MAGI3: variants seen among roughly 807,000 people sequenced by gnomAD.
MAGI3 encodes membrane-associated guanylate kinase, WW and PDZ domain-containing protein 3.
A neutral mutation model predicts 121.8 loss-of-function variants in MAGI3; 43 were observed. That is an observed-to-expected ratio of 0.35 (90% CI 0.28 to 0.46). The LOEUF (loss-of-function observed/expected upper bound fraction) is 0.46. Ranked by LOEUF, MAGI3 falls within the 20% of genes least tolerant of loss-of-function variation. The probability of loss-of-function intolerance (pLI) is 1.00; values close to 1 mark genes in which losing one functional copy is unlikely to be tolerated. For synonymous variants in MAGI3, 553 were observed against 639.3 expected, an observed-to-expected ratio of 0.86 and a Z score of 2.04; for missense variants, 1,547 against 1,797.3, an observed-to-expected ratio of 0.86 and a Z score of 2.52.
intron 1 of MAGI3, among the ~76,000 whole-genome samples, chr1:113,542,804 G>A (rs1659350844): frequency 6.6e-6 from 1 of 152,144 alleles, no homozygotes. Flanking sequence ...GAGGGAGAGA[G>A]AGAAAGAAAC....
chr1:113,681,424 T>C (rs1313000691), intron 20 of MAGI3, 88 bp downstream of exon 20: 12 of 1,391,740 alleles, frequency 8.6e-6, no homozygotes, highest in Non-Finnish European at 1.2e-5. Flanking sequence ...AGAGGATAGA[T>C]ATTTTACTAG....
intron 10 of MAGI3, among the ~76,000 whole-genome samples, 200 bp from the exon 11 acceptor site, chr1:113,643,543 T>C (rs1286486607): frequency 6.6e-6 from 1 of 152,232 alleles, no homozygotes; most frequent in Admixed American, 6.5e-5. Context: ...CTCTGTAAGA[T>C]GGTCATAACA....
At chr1:113,595,064 T>C (rs559118130) in intron 6 of MAGI3, among the ~76,000 whole-genome samples, 1 of 152,336 alleles carries the variant, frequency 6.6e-6, no homozygotes, top group South Asian at 2.1e-4. Context: ...TTTTTACTGC[T>C]TAAAGGAAAA....
chr1:113,545,034 C>CT (rs71090708), intron 1 of MAGI3, among the ~76,000 whole-genome samples: 34,169 of 143,244 alleles, frequency 0.24, 4,778 homozygotes, highest in South Asian at 0.4. Context: ...GTTATTGTCA[C>CT]TTTTTTTTTT....
chr1:113,677,156 T>G (rs960839583), intron 19 of MAGI3, among the ~76,000 whole-genome samples: 6 of 152,178 alleles, frequency 3.9e-5, no homozygotes, highest in African/African-American at 7.2e-5. Flanking sequence ...AAAAAAGTGT[T>G]CTGGGATAAG....
chr1:113,537,248 CTT>C (rs1557810407), intron 1 of MAGI3, among the ~76,000 whole-genome samples: 1 of 152,118 alleles, frequency 6.6e-6, no homozygotes, highest in South Asian at 2.1e-4. Context: ...GAATTTTTGT[CTT>C]TTGCTCCTAG....
intron 1 of MAGI3, among the ~76,000 whole-genome samples, chr1:113,439,718 T>G (rs943239069): frequency 1.3e-5 from 2 of 152,220 alleles, no homozygotes; most frequent in African/African-American, 2.4e-5. Context: ...TGTGCTTAAT[T>G]GTGTTGTTTT....
chr1:113,507,893 C>T (rs1262195432), intron 1 of MAGI3, among the ~76,000 whole-genome samples: 1 of 152,186 alleles, frequency 6.6e-6, no homozygotes, highest in Non-Finnish European at 1.5e-5. Flanking sequence ...GAGGTTCTAT[C>T]TTCCAGTATT....
chr1:113,467,071 AT>A (rs1655323029), intron 1 of MAGI3, among the ~76,000 whole-genome samples: 1 of 151,968 alleles, frequency 6.6e-6, no homozygotes, highest in African/African-American at 2.4e-5. Flanking sequence ...TTGGATATAG[AT>A]GTTTATTGCT....
chr1:113,636,385 A>C (rs932600878), intron 9 of MAGI3, among the ~76,000 whole-genome samples: 2 of 152,144 alleles, frequency 1.3e-5, no homozygotes, highest in Admixed American at 1.3e-4. Flanking sequence ...ATTTCCCTCT[A>C]CACACTGCTT....
chr1:113,580,496 G>A (rs915621911), intron 2 of MAGI3, 46 bp from the exon 3 acceptor site: 3 of 1,552,734 alleles, frequency 1.9e-6, no homozygotes, highest in Non-Finnish European at 2.6e-6. Context: ...TATTTTGTAA[G>A]TTTAAAAGTA....
intron 1 of MAGI3, among the ~76,000 whole-genome samples, chr1:113,402,142 T>G (rs1651441265): frequency 6.6e-6 from 1 of 152,172 alleles, no homozygotes; most frequent in Admixed American, 6.5e-5. Context: ...TAAGAATTTG[T>G]GTAGAAAATT....
In MAGI3 at chr1:113,452,386, C is replaced by G. The variant is rs147711160; in HGVS notation, c.316+61037C>G. On this transcript the variant is annotated intron_variant, in intron 1 of 20. Transcript: ENST00000307546. ...CTATGGGACTTCACTGTAACTACTCCATTAGGACATCAGATTTAGCCAAGT... is the reference window on the plus strand; with the variant it reads ...CTATGGGACTTCACTGTAACTACTCGATTAGGACATCAGATTTAGCCAAGT... Among the ~76,000 whole-genome samples the G allele has an allele frequency of 2.3e-3, 344 of 151,862 alleles. 2 individuals carry two copies. The highest frequency in any genetic ancestry group is 8.0e-3 in the African/African-American group (330 of 41,410).
At chr1:113,583,610 C>T (rs1648179133) in intron 3 of MAGI3, among the ~76,000 whole-genome samples, 1 of 152,002 alleles carries the variant, frequency 6.6e-6, no homozygotes. Flanking sequence ...GATTAATGGG[C>T]ATAATTCAGG....
At chr1:113,667,756 C>T (rs1376509159) in intron 16 of MAGI3, among the ~76,000 whole-genome samples, 1 of 152,126 alleles carries the variant, frequency 6.6e-6, no homozygotes, top group East Asian at 1.9e-4. Flanking sequence ...TAGCTTTTGA[C>T]GTAAAGTGAG....
intron 1 of MAGI3, among the ~76,000 whole-genome samples, chr1:113,448,676 A>T (rs1230103630): frequency 6.6e-6 from 1 of 151,602 alleles, no homozygotes; most frequent in Non-Finnish European, 1.5e-5. Flanking sequence ...TTTTTTTTTA[A>T]GAGATGGGAT....
intron 1 of MAGI3, among the ~76,000 whole-genome samples, chr1:113,482,416 C>G (rs1300195898): frequency 1.3e-5 from 2 of 151,980 alleles, no homozygotes; most frequent in Non-Finnish European, 2.9e-5. Context: ...CTGCCACAGC[C>G]TCAATCTGCC....
intron 1 of MAGI3, among the ~76,000 whole-genome samples, chr1:113,511,284 A>G (rs1657602547): frequency 6.6e-6 from 1 of 152,240 alleles, no homozygotes; most frequent in Non-Finnish European, 1.5e-5. Context: ...TAAAGTATGA[A>G]ATATAAAATC....
chr1:113,540,212 A>G (rs879605680), intron 1 of MAGI3, among the ~76,000 whole-genome samples: 2 of 152,248 alleles, frequency 1.3e-5, no homozygotes, highest in African/African-American at 4.8e-5. Context: ...CAGTATAACA[A>G]TCACATTATT....
Sources: gnomAD v4.1 joint callset for allele counts (sites outside exome capture counted in the v4.1 genomes callset) on GRCh38, gnomAD v4.1.1 for gene constraint, MANE v1.5 for transcripts, NCBI Gene and HGNC (gene_info 2026-07-23, HGNC 2026-07-21) for gene names.